DRC8: variants seen among roughly 807,000 people sequenced by gnomAD.
The protein encoded by DRC8 is dynein regulatory complex protein 8.
the DRC8 span, among the ~76,000 whole-genome samples, chr1:245,035,678 C>T: frequency 9.0e-6 from 1 of 111,402 alleles, no homozygotes; most frequent in South Asian, 2.6e-4. Flanking sequence ...ACCAGCCTGG[C>T]CAACGTGGTG....
chr1:245,010,124 G>A, the DRC8 span, among the ~76,000 whole-genome samples: 9 of 152,186 alleles, frequency 5.9e-5, no homozygotes, highest in African/African-American at 2.2e-4. Context: ...GCCTCCCAAA[G>A]TGCTGGGATT....
At chr1:245,001,756 C>T in the DRC8 span, among the ~76,000 whole-genome samples, 1 of 152,230 alleles carries the variant, frequency 6.6e-6, no homozygotes, top group Admixed American at 6.5e-5. Context: ...GAACTTACAT[C>T]TTTAGACTGC....
the DRC8 span, chr1:244,969,965 GGC>G: frequency 3.9e-6 from 2 of 515,242 alleles, no homozygotes; most frequent in African/African-American, 4.1e-5. Context: ...CTAGCTCTCC[GGC>G]GCTTTTCAAA....
chr1:245,105,006 G>A, the DRC8 span, among the ~76,000 whole-genome samples: 55 of 152,276 alleles, frequency 3.6e-4, no homozygotes, highest in Non-Finnish European at 6.5e-4. Flanking sequence ...AGAATTGTCC[G>A]CACGTTGGAC....
At chr1:245,049,384 G>GA in the DRC8 span, among the ~76,000 whole-genome samples, 18 of 152,296 alleles carry the variant, frequency 1.2e-4, no homozygotes, top group East Asian at 3.5e-3. The surrounding 1 kb of genome is among the most constrained non-coding windows in gnomAD (Gnocchi z 4.5). Flanking sequence ...CTTGGGTTAA[G>GA]GTGTCATTTG....
the DRC8 span, among the ~76,000 whole-genome samples, chr1:245,072,329 C>G: frequency 2.0e-5 from 3 of 152,212 alleles, no homozygotes; most frequent in African/African-American, 7.2e-5. Context: ...CTCTGTCACC[C>G]AGGCTGGAGT....
chr1:245,124,305 A>G, the DRC8 span: 1 of 152,274 alleles, frequency 6.6e-6, no homozygotes, highest in African/African-American at 2.4e-5. Flanking sequence ...CTCCTTTATC[A>G]GGCTCTTCTC....
At chr1:245,116,410 C>CA in the DRC8 span, among the ~76,000 whole-genome samples, 14 of 151,618 alleles carry the variant, frequency 9.2e-5, no homozygotes, top group Admixed American at 2.0e-4. Context: ...CAAAACAAAA[C>CA]AAAAAAAACT....
chr1:245,113,232 A>T, the DRC8 span, among the ~76,000 whole-genome samples: 1 of 152,216 alleles, frequency 6.6e-6, no homozygotes, highest in Non-Finnish European at 1.5e-5. Context: ...CGAGTCAGCC[A>T]AGTAAGACAT....
At chr1:245,112,719 T>C in the DRC8 span, among the ~76,000 whole-genome samples, 1 of 151,774 alleles carries the variant, frequency 6.6e-6, no homozygotes, top group Non-Finnish European at 1.5e-5. Flanking sequence ...AATTCCATAC[T>C]CCTCAAACAG....
the DRC8 span, among the ~76,000 whole-genome samples, chr1:245,042,117 T>C: frequency 1.3e-5 from 2 of 152,244 alleles, no homozygotes; most frequent in East Asian, 1.9e-4. Context: ...TGATTGTAAG[T>C]TCCATTACAG....
chr1:245,093,980 T>C, the DRC8 span, among the ~76,000 whole-genome samples: 1 of 152,034 alleles, frequency 6.6e-6, no homozygotes, highest in Admixed American at 6.5e-5. Flanking sequence ...TAGGTGAGTA[T>C]TGCATGACTT....
the DRC8 span, among the ~76,000 whole-genome samples, chr1:245,039,486 A>AGAG: frequency 8.9e-6 from 1 of 111,964 alleles, no homozygotes; most frequent in Admixed American, 8.9e-5. Context: ...AAAAAAAAAA[A>AGAG]AAAGAGTTTG....
At chr1:245,082,761 G>GT in the DRC8 span, among the ~76,000 whole-genome samples, 3 of 151,994 alleles carry the variant, frequency 2.0e-5, no homozygotes, top group Admixed American at 6.6e-5. Flanking sequence ...CTGGAATGCA[G>GT]TGGCACCATC....
chr1:244,975,719 G>C, the DRC8 span, among the ~76,000 whole-genome samples: 48 of 151,906 alleles, frequency 3.2e-4, no homozygotes, highest in Non-Finnish European at 6.2e-4. Context: ...AATTAGCTGA[G>C]TGTGGTGGCG....
the DRC8 span, among the ~76,000 whole-genome samples, chr1:245,000,823 G>A: frequency 5.9e-5 from 9 of 152,040 alleles, no homozygotes; most frequent in East Asian, 1.9e-4. Context: ...ATACCTAAGA[G>A]GTGCTCAATA....
the DRC8 span, among the ~76,000 whole-genome samples, chr1:245,039,978 C>T: frequency 6.6e-6 from 1 of 152,112 alleles, no homozygotes; most frequent in African/African-American, 2.4e-5. Context: ...TATGAATTTT[C>T]CTTTTGTATT....
chr1:245,112,827 C>T, the DRC8 span, among the ~76,000 whole-genome samples: 4 of 151,544 alleles, frequency 2.6e-5, no homozygotes, highest in Non-Finnish European at 4.4e-5. Flanking sequence ...GGTCTTGGCT[C>T]ACTGCAGCCT....
the DRC8 span, among the ~76,000 whole-genome samples, chr1:245,059,994 A>G: frequency 6.6e-6 from 1 of 152,192 alleles, no homozygotes; most frequent in African/African-American, 2.4e-5. Context: ...TTGACTTTCC[A>G]GAAAGGTCTC....
Sources: gnomAD v4.1 joint callset for allele counts (sites outside exome capture counted in the v4.1 genomes callset) on GRCh38, gnomAD v4.1.1 for gene constraint, Gnocchi (gnomAD v3.1) non-coding constraint, MANE v1.5 for transcripts, NCBI Gene and HGNC (gene_info 2026-07-23, HGNC 2026-07-21) for gene names.